USH2A: variants seen among roughly 807,000 people sequenced by gnomAD.
The protein encoded by USH2A is usherin, also known as Usher syndrome 2A (autosomal recessive, mild).
In USH2A, 443 loss-of-function variants were observed where a neutral mutation model predicts 538.9. The ratio of observed to expected loss-of-function variants is 0.82; its 90% CI spans 0.76 to 0.89. The LOEUF (loss-of-function observed/expected upper bound fraction) is 0.89. USH2A is among the 40% of genes least tolerant of loss of function. USH2A has a pLI of 0.00. For missense variants in USH2A, 6,633 were observed against 6,324.8 expected (o/e 1.05, Z -1.65); for synonymous variants, 2,413 against 2,273.5 (o/e 1.06, Z -1.75).
At position 216,130,608 on chromosome 1, in the gene USH2A, T is replaced by G. The variant is rs538382300; in HGVS notation, c.4628-33395A>C. On this transcript the variant is annotated intron_variant, in intron 21 of 71. Transcript: ENST00000307340. ...ATACACATTATATATCATGTGTATA[T>G]ATACTATATATATACATATATCTAT... Among the ~76,000 whole-genome samples, 12 of 146,338 alleles carry G rather than the reference T, an allele frequency of 8.2e-5. No homozygotes were observed. The South Asian group carries it at 1.9e-3, about 23-fold the overall frequency.
chr1:215,675,034 C>T lies in USH2A; in HGVS notation c.12877G>A (p.Gly4293Ser), dbSNP rs727505117. 1 of 1,614,116 alleles carries T rather than the reference C, an allele frequency of 6.2e-7. No homozygotes were observed. The highest frequency in any genetic ancestry group is 1.1e-5 in the South Asian group (1 of 91,074). Residue 4293 changes from glycine (G) to serine (S), a missense_variant, in exon 63 of 72, where the codon GGT becomes AGT. By Grantham distance (56) the Gly-to-Ser change is moderately conservative. Coordinates refer to ENST00000307340, the MANE Select transcript of USH2A (RefSeq NM_206933.4). ...TGAAGCCTATAGGACTGGATAATAC[C>T]ATTAGACTGTTCTGGTGGGATCCAG... The part of the protein sequence containing the change: ...ISWIPPEQSN[G>S]IIQSYRLQRN...
At chr1:216,079,081 T>C (rs1443157843) in intron 26 of USH2A, 2 of 152,148 alleles carry the variant, frequency 1.3e-5, no homozygotes, top group South Asian at 2.1e-4. Context: ...AGAAACCATA[T>C]CAGTAACCAT....
chr1:215,768,433 C>G (rs1661191162), intron 55 of USH2A, among the ~76,000 whole-genome samples: 2 of 151,906 alleles, frequency 1.3e-5, no homozygotes, highest in African/African-American at 2.4e-5. Flanking sequence ...TGTTCTGCAG[C>G]TGGAGCTGCT....
chr1:216,320,074 A>G (rs1363144197), intron 9 of USH2A, among the ~76,000 whole-genome samples: 2 of 152,108 alleles, frequency 1.3e-5, no homozygotes, highest in Non-Finnish European at 2.9e-5. Flanking sequence ...CATTTTATAT[A>G]GTTTGTATGT....
At chr1:216,182,765 C>G (rs1257353470) in intron 20 of USH2A, among the ~76,000 whole-genome samples, 1 of 152,000 alleles carries the variant, frequency 6.6e-6, no homozygotes, top group Non-Finnish European at 1.5e-5. Context: ...AGTTCTAAGG[C>G]TGCAATATTC....
chr1:215,644,256 A>G (rs1475535281), intron 67 of USH2A, among the ~76,000 whole-genome samples: 1 of 152,212 alleles, frequency 6.6e-6, no homozygotes, highest in Non-Finnish European at 1.5e-5. Context: ...CTTGAAGGGG[A>G]AAGTTGCAAG....
intron 35 of USH2A, among the ~76,000 whole-genome samples, chr1:215,974,622 G>T (rs753500860): frequency 3.3e-5 from 5 of 152,092 alleles, no homozygotes; most frequent in African/African-American, 4.8e-5. Context: ...AATTTGCTTA[G>T]TACAAAAGCC....
At chr1:215,832,716 C>T (rs77903371) in intron 47 of USH2A, among the ~76,000 whole-genome samples, 3,880 of 151,598 alleles carry the variant, frequency 0.026, 180 homozygotes, top group African/African-American at 0.089. Context: ...GCTCTTATCA[C>T]GTTATTAAAC....
chr1:215,812,290 C>T (rs1196432119), intron 49 of USH2A, among the ~76,000 whole-genome samples: 1 of 151,960 alleles, frequency 6.6e-6, no homozygotes, highest in African/African-American at 2.4e-5. Context: ...CCAGACAGAC[C>T]CTAGGTTTTG....
At chr1:215,926,499 T>C (rs1666240515) in intron 38 of USH2A, among the ~76,000 whole-genome samples, 3 of 152,056 alleles carry the variant, frequency 2.0e-5, no homozygotes. Context: ...GAGAAGAATT[T>C]GGTAGCATTG....
chr1:216,145,600 G>C (rs980953179), intron 21 of USH2A, among the ~76,000 whole-genome samples: 35 of 152,268 alleles, frequency 2.3e-4, no homozygotes, highest in Non-Finnish European at 4.6e-4. Context: ...CACAAGTCCT[G>C]TGTCAGGCCT....
intron 56 of USH2A, among the ~76,000 whole-genome samples, chr1:215,763,061 A>T (rs1268840491): frequency 1.3e-5 from 2 of 152,214 alleles, no homozygotes; most frequent in Non-Finnish European, 2.9e-5. Context: ...TGATAGGAAC[A>T]AATTTTGTAT....
intron 20 of USH2A, among the ~76,000 whole-genome samples, chr1:216,181,344 A>G (rs1241189418): frequency 6.6e-6 from 1 of 152,124 alleles, no homozygotes; most frequent in Non-Finnish European, 1.5e-5. Context: ...TAAGCCACGA[A>G]TGGGTACCAG....
intron 3 of USH2A, among the ~76,000 whole-genome samples, chr1:216,373,186 C>T (rs1186303157): frequency 6.6e-6 from 1 of 152,122 alleles, no homozygotes; most frequent in African/African-American, 2.4e-5. Context: ...GTATATAAAG[C>T]ACAGACCTTT....
At chr1:216,011,097 C>G (rs1668554775) in intron 32 of USH2A, among the ~76,000 whole-genome samples, 1 of 152,112 alleles carries the variant, frequency 6.6e-6, no homozygotes, top group Non-Finnish European at 1.5e-5. Context: ...CCCATTTTAC[C>G]TGTCCTAAAA....
At chr1:216,054,641 T>C (rs1357988977) in intron 30 of USH2A, among the ~76,000 whole-genome samples, 2 of 152,124 alleles carry the variant, frequency 1.3e-5, no homozygotes, top group African/African-American at 4.8e-5. Flanking sequence ...ACTTACATAC[T>C]TCAGCAGACT....
chr1:215,662,442 T>C (rs1657469882), intron 64 of USH2A, among the ~76,000 whole-genome samples: 1 of 152,164 alleles, frequency 6.6e-6, no homozygotes, highest in Non-Finnish European at 1.5e-5. Flanking sequence ...GCCATGAAGA[T>C]TGCCAACAAC....
intron 37 of USH2A, among the ~76,000 whole-genome samples, chr1:215,936,125 C>A (rs1379848809): frequency 6.6e-6 from 1 of 151,920 alleles, no homozygotes; most frequent in African/African-American, 2.4e-5. Context: ...TTCAATCTTT[C>A]ACACACAAAT....
rs2102656311 is a variant in USH2A, at chr1:216,325,596, C to T, written c.852G>A (p.Glu284=). Residue 284 remains glutamate (E), a synonymous_variant, in exon 6 of 72, where the codon GAG becomes GAA. Transcript: ENST00000307340. Reference sequence around the variant, plus strand: ...GATCTCCAGAGAAGACTTCCAGAATCTCTCTGTGGGAGTCAAGAGGGAGAC... The same window carrying T: ...GATCTCCAGAGAAGACTTCCAGAATTTCTCTGTGGGAGTCAAGAGGGAGAC... ...RLYQVALTNR[E]ILEVFSGDLL... 6.2e-7 allele frequency: 1 copy of T among 1,612,872 alleles called. No individual in the cohort carries two copies. Among genetic ancestry groups the T allele is most frequent in the Non-Finnish European group, 8.5e-7 (1 of 1,179,436 alleles).
Sources: allele counts gnomAD v4.1 joint callset (sites outside exome capture counted in the v4.1 genomes callset), GRCh38; gene constraint gnomAD v4.1.1; transcripts MANE v1.5; gene names NCBI Gene and HGNC (gene_info 2026-07-23, HGNC 2026-07-21).